ARGFX: variants seen among roughly 807,000 people sequenced by gnomAD.
ARGFX encodes arginine-fifty homeobox.
Under a neutral mutation model 8.0 loss-of-function variants are expected in ARGFX, and 10 were observed. The ratio of observed to expected loss-of-function variants is 1.25; its 90% confidence interval spans 0.77 to 2.12. The LOEUF is 2.12. ARGFX is among the 30% of genes most tolerant of loss of function. The pLI is 0.00. For synonymous variants in ARGFX, 116 were observed against 117.8 expected (o/e 0.98, Z 0.10); for missense variants, 282 against 324.3 (o/e 0.87, Z 1.00).
At chr3:121,570,642 T>C in intron 1 of ARGFX, 60 bp from the exon 2 acceptor site, 1 of 1,162,448 alleles carries the variant, frequency 8.6e-7, no homozygotes, top group East Asian at 2.6e-5. Flanking sequence ...TTGAAAACAT[T>C]GCTATCCAGC....
In ARGFX at chr3:121,588,490, A is replaced by G; in HGVS notation, c.*1890A>G. On this transcript the variant is annotated 3_prime_UTR_variant, in exon 5 of 5. Transcript: ENST00000334384. The stretch of plus-strand genomic sequence containing the variant: ...AAGACTCTGTCTCAAAAAAAAAATA[A>G]AAAATAAAAAATAAAAAATAAAAGA... Among the ~76,000 whole-genome samples, 1 of 148,322 alleles carries G rather than the reference A, an allele frequency of 6.7e-6. No individual in the cohort carries two copies. The highest frequency in any genetic ancestry group is 2.5e-5 in the African/African-American group (1 of 39,472).
chr3:121,573,673 A>G (rs2108834778), intron 2 of ARGFX, among the ~76,000 whole-genome samples: 1 of 151,762 alleles, frequency 6.6e-6, no homozygotes, highest in South Asian at 2.1e-4. Flanking sequence ...ACATGGAGAA[A>G]CCCTGTCTCT....
intron 2 of ARGFX, 47 bp from the exon 3 acceptor site, chr3:121,576,737 T>TTTTC (rs2048740359): frequency 5.4e-6 from 2 of 369,432 alleles, no homozygotes; most frequent in African/African-American, 4.6e-5. Context: ...CTTTCTTTCT[T>TTTTC]TCTTTCTTTT....
At chr3:121,577,007 T>G (rs1424116806) in intron 3 of ARGFX, 107 bp downstream of exon 3, 2 of 152,452 alleles carry the variant, frequency 1.3e-5, no homozygotes, top group Non-Finnish European at 2.9e-5. Flanking sequence ...AAAATAATAA[T>G]AAAATAAATT....
rs1349088124 is a variant in ARGFX at position 121,588,436 on chromosome 3, C to T, written c.*1836C>T. 6.7e-6 allele frequency among the ~76,000 whole-genome samples: 1 copy of T among 148,876 alleles called. No individual in the cohort carries two copies. ...GAGGTTGCAGTGAGCTGAGGTCGCA[C>T]CACTGCACTCCAGCCTGGACAACAG... On this transcript the variant is annotated 3_prime_UTR_variant, in exon 5 of 5. Transcript: ENST00000334384.
Position 121,586,418 on chromosome 3 carries a change from C to A in ARGFX, c.766C>A (p.Pro256Thr), listed in dbSNP as rs1444906118. 6.2e-7 allele frequency: 1 copy of A among 1,614,194 alleles called. No homozygotes were observed. Among genetic ancestry groups the A allele is most frequent in the Admixed American group, 1.7e-5 (1 of 60,006 alleles). The change falls in exon 5 of 5, where the codon CCC becomes ACC. Residue 256 changes from proline to threonine, a missense_variant. Transcript: ENST00000334384. ...SFHCLYQYLS[P>T]TKYQVGGQGS... ...CCACTGTCTGTATCAGTATCTCTCA[C>A]CCACAAAGTACCAGGTAGGAGGACA...
In ARGFX at chr3:121,589,613, T is replaced by C. The variant is rs7638024; in HGVS notation, c.*3013T>C. On this transcript the variant is annotated 3_prime_UTR_variant, in exon 5 of 5. Transcript: ENST00000334384. ...CTGGCCTCAAACTCCTGAGCTCAAG[T>C]GATCCTCCCGTCTCAGCCTCCCAAA... 0.091 allele frequency among the ~76,000 whole-genome samples: 13,883 copies of C among 152,214 alleles called. 757 individuals carry two copies. Among genetic ancestry groups the C allele is most frequent in the Non-Finnish European group, 0.13 (8,502 of 67,994 alleles).
chr3:121,576,186 A>T (rs66978552), intron 2 of ARGFX, among the ~76,000 whole-genome samples: 42,261 of 151,596 alleles, frequency 0.28, 6,312 homozygotes, highest in East Asian at 0.61. Context: ...AAGGTCAAGC[A>T]GAATGCTTTG....
chr3:121,570,046 C>T (rs2048697948), intron 1 of ARGFX, among the ~76,000 whole-genome samples: 1 of 152,158 alleles, frequency 6.6e-6, no homozygotes, highest in African/African-American at 2.4e-5. Context: ...TTTCAATCTT[C>T]ATATATATTC....
At chr3:121,578,773 C>A (rs1197626574) in intron 3 of ARGFX, among the ~76,000 whole-genome samples, 1 of 150,804 alleles carries the variant, frequency 6.6e-6, no homozygotes, top group African/African-American at 2.4e-5. Context: ...CAGGTTCATG[C>A]CATTCTCCTG....
intron 3 of ARGFX, among the ~76,000 whole-genome samples, chr3:121,577,242 T>TGTAC (rs1380324377): frequency 1.6e-5 from 1 of 62,242 alleles, no homozygotes; most frequent in Non-Finnish European, 3.2e-5. Flanking sequence ...TATATATATA[T>TGTAC]ATATATATAT....
intron 1 of ARGFX, 113 bp from the exon 2 acceptor site, chr3:121,570,589 G>A (rs1219744998): frequency 3.7e-6 from 2 of 538,294 alleles, no homozygotes; most frequent in Non-Finnish European, 6.5e-6. Flanking sequence ...GGAATTGGGG[G>A]TTAACCTCAC....
chr3:121,580,594 G>GTGTGTGTA (rs1394661822), intron 3 of ARGFX, among the ~76,000 whole-genome samples: 58 of 73,398 alleles, frequency 7.9e-4, no homozygotes, highest in African/African-American at 2.6e-3. Flanking sequence ...GTGTGTGTGT[G>GTGTGTGTA]TATATATATA....
chr3:121,586,295 G>A lies in ARGFX; in HGVS notation c.643G>A (p.Ala215Thr). 6.2e-7 allele frequency: 1 copy of A among 1,614,176 alleles called. No homozygotes were observed. Among genetic ancestry groups the A allele is most frequent in the Non-Finnish European group, 8.5e-7 (1 of 1,180,034 alleles). The part of the protein sequence containing the change: ...MQDTQWERLV[A>T]SVPALYSDAY... The stretch of plus-strand genomic sequence containing the variant: ...AGATACTCAGTGGGAGAGGCTGGTG[G>A]CCTCGGTTCCTGCTTTGTACTCTGA... The change falls in exon 5 of 5, where the codon GCC becomes ACC. Residue 215 changes from alanine to threonine, a missense_variant. Transcript: ENST00000334384.
Position 121,568,020 on chromosome 3 carries a change from A to G in ARGFX, c.-13+7A>G, listed in dbSNP as rs928131371. On this transcript the variant is annotated splice_region_variant and intron_variant, in intron 1 of 4. Transcript: ENST00000334384. Reference sequence around the variant, plus strand: ...CTAAGGGGATTCGTGACAGGTAAGCATGGGGGAGCGGGGAGGGTAGCCAGA... The same window carrying G: ...CTAAGGGGATTCGTGACAGGTAAGCGTGGGGGAGCGGGGAGGGTAGCCAGA... Among the ~76,000 whole-genome samples the G allele has an allele frequency of 6.6e-6, 1 of 152,204 alleles. No individual in the cohort carries two copies. The highest frequency in any genetic ancestry group is 1.5e-5 in the Non-Finnish European group (1 of 68,040).
At chr3:121,569,031 T>C (rs1171875092) in intron 1 of ARGFX, among the ~76,000 whole-genome samples, 1 of 152,216 alleles carries the variant, frequency 6.6e-6, no homozygotes, top group Non-Finnish European at 1.5e-5. Flanking sequence ...AAAATATATT[T>C]ATTCATTCCT....
At position 121,587,633 on chromosome 3, in the gene ARGFX, T is replaced by C. The variant is rs11711973; in HGVS notation, c.*1033T>C. On this transcript the variant is annotated 3_prime_UTR_variant, in exon 5 of 5. Coordinates refer to ENST00000334384, the MANE Select transcript of ARGFX (RefSeq NM_001012659.2). ...CTTTTAATGACAGAAAGTTATAAAC[T>C]TACATTTTGTTTCCAATTTTTCATT... Among the ~76,000 whole-genome samples, 41,875 of 152,056 alleles carry C rather than the reference T, an allele frequency of 0.28. 6,208 individuals are homozygous for C. The highest frequency in any genetic ancestry group is 0.61 in the East Asian group (3,167 of 5,160).
chr3:121,579,315 G>C (rs1298119402), intron 3 of ARGFX, among the ~76,000 whole-genome samples: 1 of 152,224 alleles, frequency 6.6e-6, no homozygotes, highest in Non-Finnish European at 1.5e-5. Flanking sequence ...CTGGTTCCAG[G>C]CTTTTTATTT....
At chr3:121,585,424 A>C (rs943342519) in intron 4 of ARGFX, among the ~76,000 whole-genome samples, 1 of 152,232 alleles carries the variant, frequency 6.6e-6, no homozygotes. Context: ...AAAGCCCTGC[A>C]ATCTGTTTAT....
Sources: allele counts gnomAD v4.1 joint callset (sites outside exome capture counted in the v4.1 genomes callset), GRCh38; gene constraint gnomAD v4.1.1; transcripts MANE v1.5; gene names NCBI Gene and HGNC (gene_info 2026-07-23, HGNC 2026-07-21).